The following COL25A1 variants were observed in gnomAD, a reference collection of about 807,000 sequenced individuals.
The protein encoded by COL25A1 is collagen type XXV alpha 1 chain, also known as collagen alpha-1(XXV) chain.
COL25A1 carries 103 observed loss-of-function variants against 128.4 expected under a neutral mutation model. That is an observed-to-expected ratio of 0.80 (90% CI 0.68 to 0.94). The LOEUF is 0.94. COL25A1 is among the 40% of genes least tolerant of loss of function. The probability of loss-of-function intolerance (pLI) is 0.00; values close to 1 mark genes in which losing one functional copy is unlikely to be tolerated. For missense variants in COL25A1, 745 were observed against 840.0 expected (o/e 0.89, Z 1.40); for synonymous variants, 279 against 277.2 (o/e 1.01, Z -0.06).
chr4:109,216,876 A>C (rs1341516813), intron 3 of COL25A1, among the ~76,000 whole-genome samples: 1 of 152,190 alleles, frequency 6.6e-6, no homozygotes, highest in East Asian at 1.9e-4. Flanking sequence ...CCACAGTGGA[A>C]GATTGTAGAA....
At chr4:109,021,351 C>T (rs1332984547) in intron 5 of COL25A1, among the ~76,000 whole-genome samples, 2 of 152,182 alleles carry the variant, frequency 1.3e-5, no homozygotes, top group Non-Finnish European at 1.5e-5. Flanking sequence ...CTGGCTGGAG[C>T]AGCGGCAGAG....
At chr4:108,985,178 CAG>C (rs1201123470) in intron 6 of COL25A1, among the ~76,000 whole-genome samples, 3 of 152,304 alleles carry the variant, frequency 2.0e-5, no homozygotes, top group Middle Eastern at 3.4e-3. Context: ...TCCCAATCTT[CAG>C]AGTCTTCTGT....
chr4:109,138,809 G>A (rs575551202), intron 3 of COL25A1, among the ~76,000 whole-genome samples: 17 of 152,048 alleles, frequency 1.1e-4, no homozygotes, highest in South Asian at 2.1e-4. Flanking sequence ...CTGGGTTCAC[G>A]CCATTCTCCT....
chr4:108,895,848 A>G (rs528487221), intron 16 of COL25A1, among the ~76,000 whole-genome samples: 13 of 151,172 alleles, frequency 8.6e-5, no homozygotes, highest in African/African-American at 2.9e-4. Context: ...ATTATACCCA[A>G]TGTGTAGTCT....
chr4:108,930,831 ATATT>A (rs1746653484), intron 11 of COL25A1, among the ~76,000 whole-genome samples: 1 of 152,220 alleles, frequency 6.6e-6, no homozygotes, highest in Admixed American at 6.5e-5. Context: ...TATAACTTAA[ATATT>A]TAGACACTTT....
At chr4:108,938,798 A>C (rs1747737645) in intron 10 of COL25A1, among the ~76,000 whole-genome samples, 1 of 152,168 alleles carries the variant, frequency 6.6e-6, no homozygotes, top group South Asian at 2.1e-4. Flanking sequence ...CAGAGGTTGC[A>C]GTGAGCGGAG....
rs765219974 is a variant in COL25A1, at chr4:109,202,538, T to C, written c.367+98045A>G. ...AGAAAATAACACAGGAGAAAATCCATGTGATCTTGGACTTGGTCATGAATT... is the reference window on the plus strand; with the variant it reads ...AGAAAATAACACAGGAGAAAATCCACGTGATCTTGGACTTGGTCATGAATT... On this transcript the variant is annotated intron_variant, in intron 3 of 37. Coordinates refer to ENST00000399132, the MANE Select transcript of COL25A1 (RefSeq NM_198721.4). Among the ~76,000 whole-genome samples, 131 of 152,082 alleles carry C rather than the reference T, an allele frequency of 8.6e-4. 1 individual carries two copies. Among genetic ancestry groups the C allele is most frequent in the Non-Finnish European group, 2.1e-4 (14 of 68,016 alleles).
At chr4:109,141,787 T>C (rs1368455116) in intron 3 of COL25A1, among the ~76,000 whole-genome samples, 1 of 152,240 alleles carries the variant, frequency 6.6e-6, no homozygotes, top group Non-Finnish European at 1.5e-5. Flanking sequence ...TACCTAATTA[T>C]CATTTTTTAT....
intron 13 of COL25A1, among the ~76,000 whole-genome samples, chr4:108,908,628 T>G (rs1743817613): frequency 6.6e-6 from 1 of 152,280 alleles, no homozygotes; most frequent in South Asian, 2.1e-4. Flanking sequence ...AACCACCCAA[T>G]GGGCTCATCT....
chr4:109,222,253 G>A (rs1197520424), intron 3 of COL25A1, among the ~76,000 whole-genome samples: 2 of 151,516 alleles, frequency 1.3e-5, no homozygotes, highest in African/African-American at 2.4e-5. Flanking sequence ...TGGTAGAGCC[G>A]GGGTTTCACC....
At chr4:109,135,944 T>C (rs1380151849) in intron 3 of COL25A1, among the ~76,000 whole-genome samples, 1 of 152,194 alleles carries the variant, frequency 6.6e-6, no homozygotes, top group Non-Finnish European at 1.5e-5. Context: ...ACACAGTTAA[T>C]GTAATCAACA....
intron 3 of COL25A1, among the ~76,000 whole-genome samples, chr4:109,228,455 C>T (rs1293885635): frequency 6.6e-6 from 1 of 152,180 alleles, no homozygotes; most frequent in African/African-American, 2.4e-5. Context: ...GCCAGATATA[C>T]ACTAATCCCT....
intron 5 of COL25A1, among the ~76,000 whole-genome samples, chr4:109,028,725 AAAAAAAAG>A (rs974665069): frequency 2.7e-5 from 4 of 148,630 alleles, no homozygotes; most frequent in East Asian, 1.9e-4. Context: ...ACTCCATCTC[AAAAAAAAG>A]AAAAAAAGAA....
chr4:109,291,377 G>A (rs1282746034), intron 3 of COL25A1, among the ~76,000 whole-genome samples: 2 of 152,038 alleles, frequency 1.3e-5, no homozygotes, highest in Non-Finnish European at 1.5e-5. Flanking sequence ...TGCAATTCAT[G>A]TATTCTCATT....
chr4:108,832,307 G>T, intron 32 of COL25A1, 73 bp downstream of exon 32: 1 of 1,067,798 alleles, frequency 9.4e-7, no homozygotes, highest in Non-Finnish European at 1.4e-6. Flanking sequence ...AAAATGAACA[G>T]TTAAATTAAT....
intron 6 of COL25A1, among the ~76,000 whole-genome samples, chr4:108,993,721 G>A (rs1331727804): frequency 5.9e-5 from 9 of 152,026 alleles, no homozygotes; most frequent in African/African-American, 1.4e-4. Context: ...TTAGCTGGGC[G>A]TGGTGGTAGG....
At chr4:109,106,569 A>T (rs192969477) in intron 3 of COL25A1, among the ~76,000 whole-genome samples, 1 of 152,180 alleles carries the variant, frequency 6.6e-6, no homozygotes, top group Non-Finnish European at 1.5e-5. Context: ...ACTTAAAAAA[A>T]AAAATCAATG....
intron 22 of COL25A1, among the ~76,000 whole-genome samples, 178 bp downstream of exon 22, chr4:108,862,323 C>G (rs1275836851): frequency 2.0e-5 from 3 of 152,112 alleles, no homozygotes; most frequent in South Asian, 2.1e-4. Context: ...ATGAAACAAA[C>G]GTATTGTTTT....
At chr4:109,153,413 G>A (rs572679381) in intron 3 of COL25A1, among the ~76,000 whole-genome samples, 8 of 151,098 alleles carry the variant, frequency 5.3e-5, no homozygotes, top group African/African-American at 1.9e-4. Flanking sequence ...CTCTGTATGT[G>A]CTTTTTTAAT....
Sources: allele counts gnomAD v4.1 joint callset (sites outside exome capture counted in the v4.1 genomes callset), GRCh38; gene constraint gnomAD v4.1.1; transcripts MANE v1.5; gene names NCBI Gene and HGNC (gene_info 2026-07-23, HGNC 2026-07-21).